The following ZMYM2 variants were observed in gnomAD, a reference collection of about 807,000 sequenced individuals.
ZMYM2 encodes zinc finger MYM-type protein 2.
A neutral mutation model predicts 162.8 loss-of-function variants in ZMYM2; 56 were observed. That is an observed-to-expected ratio of 0.34 (90% CI 0.28 to 0.43). The LOEUF (loss-of-function observed/expected upper bound fraction) is 0.43, where lower values mean the gene tolerates loss of function less well. Among genes scored for constraint, ZMYM2 ranks in the 20% least tolerant of loss-of-function variants. ZMYM2 has a pLI of 1.00. For missense variants in ZMYM2, 1,275 were observed against 1,621.8 expected (o/e 0.79, Z 3.67); for synonymous variants, 510 against 541.6 (o/e 0.94, Z 0.81).
intron 7 of ZMYM2, chr13:20,026,201 C>A (rs73428072): frequency 0.026 from 4,019 of 153,040 alleles, 174 homozygotes; most frequent in African/African-American, 0.089. Context: ...TCTTCAAATT[C>A]ATTCTTCACC....
rs998129690 is a variant in ZMYM2, at chr13:20,081,882, C to G, written c.3454-134C>G. The G allele has an allele frequency of 7.8e-6, 4 of 511,178 alleles. No homozygotes were observed. In the African/African-American group the frequency reaches 8.1e-5, roughly 10 times the overall value. The allele number at this position is 511,178 out of a possible 1,614,324, so 31.7% of individuals were successfully genotyped here. A position where few individuals can be genotyped will look rare whatever the true frequency, so the allele number is the denominator to read the frequency against. On this transcript the variant is annotated intron_variant, in intron 21 of 24. Transcript: ENST00000610343. ...TAATTTCTAGGTGCATACATAAAAT[C>G]AGTCATGTTTTAGTATGCATTTCAA... is the stretch of plus-strand genomic sequence containing the variant.
At chr13:19,957,178 T>C (rs547265525), upstream of ZMYM2, among the ~76,000 whole-genome samples, 1 of 152,336 alleles carries the variant, frequency 6.6e-6, no homozygotes, top group Non-Finnish European at 1.5e-5. Flanking sequence ...ATTCAACTTC[T>C]ACTAGATTAT....
intron 2 of ZMYM2, among the ~76,000 whole-genome samples, chr13:19,989,326 C>CA (rs577280412): frequency 7.8e-4 from 119 of 152,194 alleles, no homozygotes; most frequent in African/African-American, 2.8e-3. Context: ...CTTTTTGAGA[C>CA]AGAGTCTCAC....
the ZMYM2 span, among the ~76,000 whole-genome samples, chr13:19,926,081 C>T: frequency 6.6e-6 from 1 of 151,280 alleles, no homozygotes; most frequent in Admixed American, 6.6e-5. Context: ...CCCTCTCAGC[C>T]TCCCGAGTAG....
At chr13:20,058,536 G>A in intron 14 of ZMYM2, 39 bp from the exon 15 acceptor site, 1 of 1,594,556 alleles carries the variant, frequency 6.3e-7, no homozygotes. Flanking sequence ...TTGAAAATTA[G>A]ACATAAAAAT....
At chr13:20,027,613 G>A (rs1371382552) in intron 9 of ZMYM2, among the ~76,000 whole-genome samples, 1 of 152,130 alleles carries the variant, frequency 6.6e-6, no homozygotes, top group Non-Finnish European at 1.5e-5. Context: ...TGAATAAAAT[G>A]TGAACCGTAA....
intron 2 of ZMYM2, among the ~76,000 whole-genome samples, chr13:19,989,447 G>A (rs1045108027): frequency 3.6e-4 from 55 of 152,008 alleles, no homozygotes; most frequent in African/African-American, 1.1e-3. Flanking sequence ...GGAATTACAG[G>A]TGCATGCTAC....
At chr13:20,083,523 A>C in intron 23 of ZMYM2, 133 bp from the exon 24 acceptor site, 1 of 678,166 alleles carries the variant, frequency 1.5e-6, no homozygotes, top group Non-Finnish European at 2.4e-6. Flanking sequence ...AAAATTGTAC[A>C]TTACCAGAAG....
chr13:19,928,130 C>T, the ZMYM2 span, among the ~76,000 whole-genome samples: 53 of 152,236 alleles, frequency 3.5e-4, no homozygotes, highest in East Asian at 0.01. Context: ...CTCAGCTTCT[C>T]GTGTAGCTGG....
At chr13:20,026,826 C>T (rs967390376) in intron 8 of ZMYM2, 64 bp downstream of exon 8, 4 of 1,479,178 alleles carry the variant, frequency 2.7e-6, no homozygotes, top group East Asian at 2.4e-5. Flanking sequence ...TGCATAAATA[C>T]TCATTTGATG....
upstream of ZMYM2, among the ~76,000 whole-genome samples, chr13:19,957,175 T>C (rs1027724057): frequency 6.6e-6 from 1 of 152,184 alleles, no homozygotes; most frequent in African/African-American, 2.4e-5. Flanking sequence ...TGAATTCAAC[T>C]TCTACTAGAT....
the ZMYM2 span, among the ~76,000 whole-genome samples, chr13:19,885,965 G>A: frequency 6.4e-3 from 581 of 91,258 alleles, 237 homozygotes; most frequent in South Asian, 0.027. Flanking sequence ...ATATATATGT[G>A]TATACACATA....
chr13:20,015,522 C>T (rs1027219612), intron 6 of ZMYM2, among the ~76,000 whole-genome samples: 1 of 152,126 alleles, frequency 6.6e-6, no homozygotes, highest in Non-Finnish European at 1.5e-5. Context: ...GAAATTCTGT[C>T]TAGATGGTTT....
At chr13:19,963,932 A>C (rs1955509387) in intron 2 of ZMYM2, among the ~76,000 whole-genome samples, 1 of 152,202 alleles carries the variant, frequency 6.6e-6, no homozygotes, top group African/African-American at 2.4e-5. Flanking sequence ...TTTTAACTTT[A>C]TAACAGTCCA....
chr13:19,956,973 C>T (rs1232793692), upstream of ZMYM2, among the ~76,000 whole-genome samples: 2 of 152,072 alleles, frequency 1.3e-5, no homozygotes, highest in African/African-American at 4.8e-5. Flanking sequence ...AATATGAAAT[C>T]TTAAGAGGCT....
At chr13:19,889,504 G>C in the ZMYM2 span, among the ~76,000 whole-genome samples, 1 of 151,692 alleles carries the variant, frequency 6.6e-6, no homozygotes, top group East Asian at 1.9e-4. Context: ...ATTTTTAGTA[G>C]AGACAGGGTT....
chr13:19,931,138 C>CTCAA, the ZMYM2 span, among the ~76,000 whole-genome samples: 1 of 127,576 alleles, frequency 7.8e-6, no homozygotes, highest in African/African-American at 3.3e-5. Context: ...GACTCTCTCT[C>CTCAA]AAAAAAAAAA....
the ZMYM2 span, among the ~76,000 whole-genome samples, chr13:19,919,894 T>C: frequency 6.6e-6 from 1 of 152,044 alleles, no homozygotes; most frequent in Non-Finnish European, 1.5e-5. Flanking sequence ...AGTCTGGTTT[T>C]GAACTCCTGA....
the ZMYM2 span, among the ~76,000 whole-genome samples, chr13:19,871,261 AT>A: frequency 2.8e-3 from 421 of 152,332 alleles, 1 homozygote; most frequent in African/African-American, 9.6e-3. Flanking sequence ...TAAAAAATGT[AT>A]ACTAGAGAAA....
Sources: gnomAD v4.1 joint callset for allele counts (sites outside exome capture counted in the v4.1 genomes callset) on GRCh38, gnomAD v4.1.1 for gene constraint, MANE v1.5 for transcripts, NCBI Gene and HGNC (gene_info 2026-07-23, HGNC 2026-07-21) for gene names.